The following PARD3 variants were observed in gnomAD, a reference collection of about 807,000 sequenced individuals.
The protein encoded by PARD3 is partitioning defective 3 homolog.
Under a neutral mutation model 155.4 loss-of-function variants are expected in PARD3, and 75 were observed. That is an observed-to-expected ratio of 0.48 (90% CI 0.40 to 0.58). PARD3 has a LOEUF of 0.58. Among genes scored for constraint, PARD3 ranks in the 20% least tolerant of loss-of-function variants. PARD3 has a pLI of 0.00. For synonymous variants in PARD3, 576 were observed against 610.5 expected (o/e 0.94, Z 0.83); for missense variants, 1,642 against 1,721.7 (o/e 0.95, Z 0.82).
In PARD3 at chr10:34,136,643, T is replaced by G. The variant is rs561560722; in HGVS notation, c.3420-5060A>C. On this transcript the variant is annotated intron_variant, in intron 22 of 24. Coordinates refer to ENST00000374788, the MANE Select transcript of PARD3 (RefSeq NM_001184785.2). ...AGAAGGCAGAGATGATTATAAACTC[T>G]GGTACAGGAGAAGAAAAGCTGCCAA... Among the ~76,000 whole-genome samples, 5 of 152,172 alleles carry G rather than the reference T, an allele frequency of 3.3e-5. No individual in the cohort carries two copies. The East Asian group carries it at 9.6e-4, about 29-fold the overall frequency.
Position 34,341,661 on chromosome 10 carries a change from A to C in PARD3, c.2374T>G (p.Trp792Gly), listed in dbSNP as rs1352379810. The C allele has an allele frequency of 1.2e-6, 2 of 1,613,738 alleles. No homozygotes were observed. Among genetic ancestry groups the C allele is most frequent in the Non-Finnish European group, 1.7e-6 (2 of 1,179,856 alleles). The change falls in exon 16 of 25, where the codon TGG becomes GGG. Residue 792 changes from tryptophan (W) to glycine (G), a missense_variant. Transcript: ENST00000374788. ...VGFVTADAGT[W>G]AKAAISDSAD... Reference sequence around the variant, plus strand: ...GAATCACTGATTGCAGCCTTGGCCCAAGTACCAGCATCTGCCGTCACAAAC... The same window carrying C: ...GAATCACTGATTGCAGCCTTGGCCCCAGTACCAGCATCTGCCGTCACAAAC...
At chr10:34,196,563 C>CT in intron 22 of PARD3, among the ~76,000 whole-genome samples, 1 of 138,086 alleles carries the variant, frequency 7.2e-6, no homozygotes, top group Non-Finnish European at 1.5e-5. Context: ...ACTTTGTACC[C>CT]TTTTCTTTTT....
intron 22 of PARD3, among the ~76,000 whole-genome samples, chr10:34,165,149 G>A (rs1167356758): frequency 6.6e-6 from 1 of 151,944 alleles, no homozygotes. Context: ...CTGGAGAAAC[G>A]GGGAAAACTT....
chr10:34,415,207 G>A lies in PARD3; in HGVS notation c.715-13290C>T, dbSNP rs564703433. Among the ~76,000 whole-genome samples the A allele has an allele frequency of 3.3e-5, 5 of 152,218 alleles. No homozygotes were observed. The East Asian group carries it at 5.8e-4, about 18-fold the overall frequency. On this transcript the variant is annotated intron_variant, in intron 5 of 24. Transcript: ENST00000374788. The stretch of plus-strand genomic sequence containing the variant: ...AAAAGGGTCAGGAGGTGGGGAAGCC[G>A]TATATGTAGTGTTTGTTGATACCTG...
At chr10:34,577,253 T>C (rs1298315070) in intron 2 of PARD3, among the ~76,000 whole-genome samples, 1 of 152,348 alleles carries the variant, frequency 6.6e-6, no homozygotes, top group East Asian at 1.9e-4. Context: ...TGTCCATTCA[T>C]GTGAGATGAA....
chr10:34,779,638 A>G (rs1001371043), intron 1 of PARD3, among the ~76,000 whole-genome samples: 5 of 152,134 alleles, frequency 3.3e-5, no homozygotes, highest in African/African-American at 1.2e-4. Flanking sequence ...AAATAAAATA[A>G]AGCAACTATG....
intron 1 of PARD3, among the ~76,000 whole-genome samples, chr10:34,756,095 T>C (rs902669854): frequency 1.3e-5 from 2 of 150,714 alleles, no homozygotes; most frequent in Non-Finnish European, 3.0e-5. Context: ...ACTGTACAGG[T>C]TGGCAGTACC....
chr10:34,279,141 C>CTTTTTTTTTT (rs143467605), intron 21 of PARD3, among the ~76,000 whole-genome samples: 1 of 102,052 alleles, frequency 9.8e-6, no homozygotes, highest in African/African-American at 4.1e-5. Flanking sequence ...ATATTTTTTC[C>CTTTTTTTTTT]TTTTTTTTTT....
At chr10:34,487,166 A>G (rs990171522) in intron 3 of PARD3, among the ~76,000 whole-genome samples, 4 of 152,190 alleles carry the variant, frequency 2.6e-5, no homozygotes, top group African/African-American at 7.2e-5. Flanking sequence ...GAGGCTTCCA[A>G]GTTCTCTCTT....
chr10:34,340,660 A>G (rs757360442), intron 16 of PARD3, among the ~76,000 whole-genome samples: 3 of 152,196 alleles, frequency 2.0e-5, no homozygotes, highest in Non-Finnish European at 4.4e-5. Flanking sequence ...TTGTGTGTTC[A>G]TGTGGAGAGT....
At chr10:34,373,457 T>C (rs1840901821) in intron 11 of PARD3, among the ~76,000 whole-genome samples, 1 of 151,882 alleles carries the variant, frequency 6.6e-6, no homozygotes, top group Non-Finnish European at 1.5e-5. Flanking sequence ...AATCTAATAA[T>C]GCTAACTAGT....
chr10:34,207,215 TA>T lies in PARD3; in HGVS notation c.3419+62441del, dbSNP rs956966875. Among the ~76,000 whole-genome samples, 17 of 152,314 alleles carry T rather than the reference TA, an allele frequency of 1.1e-4. No individual in the cohort carries two copies. In the East Asian group the frequency reaches 3.1e-3, roughly 28 times the overall value. On this transcript the variant is annotated intron_variant, in intron 22 of 24. Transcript: ENST00000374788. Reference sequence around the variant, plus strand: ...TCTCACACAGGGGCTCATGATGAGTTAAAATTCAGTATTCTGATTAGCTCCC... The same window carrying T: ...TCTCACACAGGGGCTCATGATGAGTTAAATTCAGTATTCTGATTAGCTCCC...
intron 21 of PARD3, 133 bp from the exon 22 acceptor site, chr10:34,270,032 G>C: frequency 1.2e-6 from 1 of 845,840 alleles, no homozygotes; most frequent in Non-Finnish European, 1.8e-6. Flanking sequence ...TGGTATAAAT[G>C]ACAGGTCATA....
intron 3 of PARD3, among the ~76,000 whole-genome samples, chr10:34,489,622 G>T: frequency 6.6e-6 from 1 of 152,288 alleles, no homozygotes; most frequent in Non-Finnish European, 1.5e-5. Flanking sequence ...ATATGGCTGC[G>T]TGTCTGTTTA....
At chr10:34,700,150 G>T (rs1335436941) in intron 1 of PARD3, among the ~76,000 whole-genome samples, 1 of 152,158 alleles carries the variant, frequency 6.6e-6, no homozygotes, top group African/African-American at 2.4e-5. Context: ...ATCAAGCAGT[G>T]AATGTCCTCA....
At chr10:34,796,359 C>T (rs936628478) in intron 1 of PARD3, among the ~76,000 whole-genome samples, 1 of 152,114 alleles carries the variant, frequency 6.6e-6, no homozygotes, top group Non-Finnish European at 1.5e-5. Flanking sequence ...AAATTCCTGG[C>T]CCACAAAATC....
intron 2 of PARD3, among the ~76,000 whole-genome samples, chr10:34,606,396 C>A (rs931146173): frequency 6.6e-6 from 1 of 151,860 alleles, no homozygotes; most frequent in Non-Finnish European, 1.5e-5. Context: ...CCTGCCGGAT[C>A]CAGTTCCCCT....
chr10:34,367,915 G>C (rs895697599), intron 12 of PARD3, among the ~76,000 whole-genome samples: 1 of 152,110 alleles, frequency 6.6e-6, no homozygotes, highest in Non-Finnish European at 1.5e-5. Context: ...GGTTTCTGTA[G>C]GGAAAGCCCA....
At chr10:34,479,046 T>C (rs1263674211) in intron 3 of PARD3, among the ~76,000 whole-genome samples, 2 of 152,212 alleles carry the variant, frequency 1.3e-5, no homozygotes, top group African/African-American at 4.8e-5. Context: ...TATATAAATG[T>C]TAATATTGTG....
Sources: allele counts gnomAD v4.1 joint callset (sites outside exome capture counted in the v4.1 genomes callset), GRCh38; gene constraint gnomAD v4.1.1; transcripts MANE v1.5; gene names NCBI Gene and HGNC (gene_info 2026-07-23, HGNC 2026-07-21).